ATG16L1: variants seen among roughly 807,000 people sequenced by gnomAD.
The protein encoded by ATG16L1 is autophagy-related protein 16-1.
A neutral mutation model predicts 88.5 loss-of-function variants in ATG16L1; 37 were observed. The ratio of observed to expected loss-of-function variants is 0.42; its 90% CI spans 0.32 to 0.55. ATG16L1 has a LOEUF of 0.55. ATG16L1 is among the 20% of genes least tolerant of loss of function. The pLI is 0.13. For synonymous variants in ATG16L1, 301 were observed against 281.0 expected (o/e 1.07, Z -0.71); for missense variants, 554 against 752.8 (o/e 0.74, Z 3.09).
intron 1 of ATG16L1, among the ~76,000 whole-genome samples, chr2:233,254,925 G>T (rs544481447): frequency 2.0e-5 from 3 of 152,082 alleles, no homozygotes; most frequent in African/African-American, 7.2e-5. Context: ...GATCTTACTG[G>T]TGCCTGTGTA....
At chr2:233,263,441 G>A (rs1014329619) in intron 3 of ATG16L1, among the ~76,000 whole-genome samples, 1 of 152,202 alleles carries the variant, frequency 6.6e-6, no homozygotes, top group African/African-American at 2.4e-5. Flanking sequence ...GGGCAATCCT[G>A]TGAGAGCGCT....
intron 5 of ATG16L1, chr2:233,266,096 C>G (rs1697556822): frequency 6.6e-6 from 1 of 152,172 alleles, no homozygotes; most frequent in Non-Finnish European, 1.5e-5. Flanking sequence ...AAGGAGTGAT[C>G]ACCCACCTAG....
At chr2:233,264,746 A>G (rs1697453057) in intron 4 of ATG16L1, 146 bp from the exon 5 acceptor site, 2 of 1,064,546 alleles carry the variant, frequency 1.9e-6, no homozygotes, top group South Asian at 3.2e-5. Context: ...TTCCTCTCCT[A>G]ATGGATTATC....
intron 8 of ATG16L1, chr2:233,274,077 G>A (rs1458677426): frequency 1.3e-6 from 2 of 1,533,478 alleles, no homozygotes; most frequent in East Asian, 4.9e-5. Context: ...CAGCATGTGA[G>A]TGTGGGTCCT....
At chr2:233,274,650 A>G in intron 8 of ATG16L1, 26 bp from the exon 9 acceptor site, 1 of 1,559,392 alleles carries the variant, frequency 6.4e-7, no homozygotes, top group Non-Finnish European at 8.8e-7. Flanking sequence ...ATCCTGTCTA[A>G]TATTTGTCTT....
intron 2 of ATG16L1, among the ~76,000 whole-genome samples, chr2:233,256,522 AG>A (rs1462619422): frequency 6.6e-6 from 1 of 152,082 alleles, no homozygotes; most frequent in East Asian, 1.9e-4. Context: ...ATCACAGACA[AG>A]TATTTCTGAG....
intron 1 of ATG16L1, 74 bp from the exon 2 acceptor site, chr2:233,256,028 G>T: frequency 8.2e-7 from 1 of 1,215,680 alleles, no homozygotes; most frequent in South Asian, 1.3e-5. Flanking sequence ...TTCAATACAT[G>T]ACAAGGTAGG....
At chr2:233,289,537 C>T (rs535845625) in intron 12 of ATG16L1, among the ~76,000 whole-genome samples, 69 of 152,210 alleles carry the variant, frequency 4.5e-4, no homozygotes, top group African/African-American at 1.5e-3. Context: ...AGGCGCATGC[C>T]ACCACTCCCT....
chr2:233,265,896 A>G (rs1178213748), intron 5 of ATG16L1: 1 of 152,326 alleles, frequency 6.6e-6, no homozygotes, highest in Non-Finnish European at 1.5e-5. Context: ...AGGAATTTGA[A>G]TCTCTGTTGT....
chr2:233,294,395 A>G lies in ATG16L1; in HGVS notation c.*45A>G. On this transcript the variant is annotated 3_prime_UTR_variant, in exon 18 of 18. Transcript: ENST00000392017. ...AGGACCCCAGTGCCCTCCTCAGAAGAAGCACATGGGCTCCTGCAGCCCTGT... is the reference window on the plus strand; with the variant it reads ...AGGACCCCAGTGCCCTCCTCAGAAGGAGCACATGGGCTCCTGCAGCCCTGT... The G allele has an allele frequency of 6.6e-7, 1 of 1,504,974 alleles. No individual in the cohort carries two copies. 93.2% of individuals were successfully genotyped at this position (1,504,974 alleles called of 1,614,324 possible).
chr2:233,273,726 G>A lies in ATG16L1; in HGVS notation c.800G>A (p.Arg267Gln), dbSNP rs765096319. 3 of 1,614,004 alleles carry A rather than the reference G, an allele frequency of 1.9e-6. No homozygotes were observed. Among genetic ancestry groups the A allele is most frequent in the Non-Finnish European group, 1.7e-6 (2 of 1,180,030 alleles). Reference protein sequence around the residue: ...VRAISRAATKRLSQPAGGLLD... With the variant: ...VRAISRAATKQLSQPAGGLLD... ...TATCCTCCCCTCCTCTTTAGTAAGC[G>A]ACTCTCGCAGCCTGCTGGAGGCCTT... The change falls in exon 8 of 18, where the codon CGA becomes CAA. Residue 267 changes from arginine (R) to glutamine (Q), a missense_variant. Arg to Gln is a conservative substitution (Grantham distance 43, BLOSUM62 1). Transcript: ENST00000392017.
chr2:233,268,407 C>G lies in ATG16L1; in HGVS notation c.642-1595C>G, dbSNP rs552141161. 2.6e-5 allele frequency among the ~76,000 whole-genome samples: 4 copies of G among 152,236 alleles called. No homozygotes were observed. The South Asian group carries it at 8.3e-4, about 32-fold the overall frequency. ...ACAGGAAGCGGAGATTGCAGTGAGC[C>G]GAGATGATGTCACTGCCCTCCAGCC... On this transcript the variant is annotated intron_variant, in intron 5 of 17. Transcript: ENST00000392017.
At chr2:233,267,251 A>T (rs1360969858) in intron 5 of ATG16L1, among the ~76,000 whole-genome samples, 1 of 152,230 alleles carries the variant, frequency 6.6e-6, no homozygotes, top group Non-Finnish European at 1.5e-5. Flanking sequence ...CAGGAGGCTG[A>T]GGCAGGAGAA....
At chr2:233,257,679 A>G (rs1255459728) in intron 2 of ATG16L1, among the ~76,000 whole-genome samples, 1 of 152,202 alleles carries the variant, frequency 6.6e-6, no homozygotes, top group Non-Finnish European at 1.5e-5. Context: ...GATTGCAGTA[A>G]GCTCTTATTT....
chr2:233,251,838 G>A lies in ATG16L1; in HGVS notation c.11G>A (p.Gly4Asp). The change falls in exon 1 of 18, where the codon GGC (glycine) becomes GAC (aspartate). Residue 4 changes from glycine to aspartate, a missense_variant. Physicochemically the swap from Gly to Asp is moderately conservative, Grantham distance 94. Coordinates refer to ENST00000392017, the MANE Select transcript of ATG16L1 (RefSeq NM_030803.7). ...GGGGCAGCAAGTGACATGTCGTCGGGCCTCCGCGCCGCTGACTTCCCCCGC... is the reference window on the plus strand; with the variant it reads ...GGGGCAGCAAGTGACATGTCGTCGGACCTCCGCGCCGCTGACTTCCCCCGC... MSSGLRAADFPRWK... is the reference protein window; with the variant it reads MSSDLRAADFPRWK... 1 of 1,549,764 alleles carries A rather than the reference G, an allele frequency of 6.5e-7. No individual in the cohort carries two copies. The highest frequency in any genetic ancestry group is 2.4e-5 in the East Asian group (1 of 40,920).
chr2:233,293,259 T>C lies in ATG16L1; in HGVS notation c.1632T>C (p.Pro544=), dbSNP rs1474156473. 6.2e-7 allele frequency: 1 copy of C among 1,613,848 alleles called. No homozygotes were observed. The highest frequency in any genetic ancestry group is 8.5e-7 in the Non-Finnish European group (1 of 1,179,808). The change falls in exon 17 of 18, where the codon CCT becomes CCC. Residue 544 remains proline, a synonymous_variant. Coordinates refer to ENST00000392017, the MANE Select transcript of ATG16L1 (RefSeq NM_030803.7). ...GSDWTRVVFS[P]DGSYVAAGSA... ...CTTTTCTTACTGTCTTCTGTAGCCC[T>C]GATGGCAGTTACGTGGCGGCAGGCT...
At chr2:233,294,138 T>G (rs1041025611) in intron 17 of ATG16L1, 119 bp from the exon 18 acceptor site, 27 of 741,584 alleles carry the variant, frequency 3.6e-5, no homozygotes, top group Non-Finnish European at 5.7e-5. Context: ...TGCCAGAGAG[T>G]AAAATGGAAG....
chr2:233,290,457 T>C (rs1699386816), intron 14 of ATG16L1, 104 bp downstream of exon 14: 1 of 913,236 alleles, frequency 1.1e-6, no homozygotes, highest in African/African-American at 1.6e-5. Flanking sequence ...CAGAAATGAG[T>C]TTCGGTACAC....
In ATG16L1 at chr2:233,265,079, A is replaced by C. The variant is rs1697474696; in HGVS notation, c.577A>C (p.Arg193=). 2 of 1,614,230 alleles carry C rather than the reference A, an allele frequency of 1.2e-6. No homozygotes were observed. Among genetic ancestry groups the C allele is most frequent in the South Asian group, 1.1e-5 (1 of 91,084 alleles). Residue 193 remains arginine (R), a synonymous_variant, in exon 5 of 18, where the codon AGA becomes CGA. Coordinates refer to ENST00000392017, the MANE Select transcript of ATG16L1 (RefSeq NM_030803.7). ...GGAAGAGAACCAGGAGCTGGTCACC[A>C]GATGGATGGCTGAGAAAGCCCAGGA... ...TTEENQELVT[R]WMAEKAQEAN... is the part of the protein sequence containing the mutation.
Sources: allele counts gnomAD v4.1 joint callset (sites outside exome capture counted in the v4.1 genomes callset), GRCh38; gene constraint gnomAD v4.1.1; transcripts MANE v1.5; gene names NCBI Gene and HGNC (gene_info 2026-07-23, HGNC 2026-07-21).